Variants in VAV2 observed in about 807,000 individuals in gnomAD.
VAV2 encodes vav guanine nucleotide exchange factor 2, also known as guanine nucleotide exchange factor VAV2.
In VAV2, 67 loss-of-function variants were observed where a neutral mutation model predicts 132.5. The observed-to-expected ratio is 0.51, with a 90% CI of 0.42 to 0.62. VAV2 has a LOEUF of 0.62. VAV2 is among the 20% of genes least tolerant of loss of function. VAV2 has a pLI of 0.00. For missense variants in VAV2, 938 were observed against 1,153.6 expected (o/e 0.81, Z 2.71); for synonymous variants, 492 against 443.5 (o/e 1.11, Z -1.37).
At chr9:133,811,374 A>T (rs1271200900) in intron 5 of VAV2, among the ~76,000 whole-genome samples, 1 of 152,210 alleles carries the variant, frequency 6.6e-6, no homozygotes, top group Non-Finnish European at 1.5e-5. Flanking sequence ...AAAACACTGA[A>T]ATCAGCTTTC....
intron 2 of VAV2, among the ~76,000 whole-genome samples, chr9:133,910,285 G>A (rs973554101): frequency 6.6e-6 from 1 of 152,160 alleles, no homozygotes; most frequent in Non-Finnish European, 1.5e-5. Context: ...AACCCTCCAA[G>A]ACGAACAAAC....
In VAV2 at chr9:133,935,804, C is replaced by T. The variant is rs975957805; in HGVS notation, c.321+3299G>A. Among the ~76,000 whole-genome samples, 107 of 152,314 alleles carry T rather than the reference C, an allele frequency of 7.0e-4. No homozygotes were observed. The highest frequency in any genetic ancestry group is 2.5e-3 in the African/African-American group (102 of 41,578). On this transcript the variant is annotated intron_variant, in intron 2 of 29. Coordinates refer to ENST00000371850, the MANE Select transcript of VAV2 (RefSeq NM_001134398.2). This position sits in a 1 kb window ranked among gnomAD's most constrained non-coding sequence, Gnocchi z 5.2. ...GCCACAGAGACAGGGCTGGCGGGGC[C>T]GAGGCCAGGCCCACGCTGAAGGGCA...
At chr9:133,777,840 C>T (rs1345682991) in intron 22 of VAV2, among the ~76,000 whole-genome samples, 2 of 152,236 alleles carry the variant, frequency 1.3e-5, no homozygotes, top group Non-Finnish European at 2.9e-5. Flanking sequence ...AAATCCATCA[C>T]CGAGTATGGA....
In VAV2 at chr9:133,785,797, A is replaced by T. The variant is rs774008253; in HGVS notation, c.1511T>A (p.Met504Lys). The change falls in exon 17 of 30, where the codon ATG (methionine) becomes AAG (lysine). Residue 504 changes from methionine (M) to lysine (K), a missense_variant. Coordinates refer to ENST00000371850, the MANE Select transcript of VAV2 (RefSeq NM_001134398.2). Reference protein sequence around the residue: ...CKTEDMKRKWMEQFEMAMSNI... With the variant: ...CKTEDMKRKWKEQFEMAMSNI... ...TCACATGGCCATCTCAAACTGCTCC[A>T]TCCACTTCCTCTTCATATCTTCTGT... 9 of 1,613,830 alleles carry T rather than the reference A, an allele frequency of 5.6e-6. No individual in the cohort carries two copies. Among genetic ancestry groups the T allele is most frequent in the Middle Eastern group, 1.7e-4 (1 of 6,014 alleles).
chr9:133,766,604 C>G (rs1833439831), intron 29 of VAV2, among the ~76,000 whole-genome samples: 1 of 151,480 alleles, frequency 6.6e-6, no homozygotes, highest in Non-Finnish European at 1.5e-5. Flanking sequence ...AGGGGAACAT[C>G]ACACTGGAGG....
intron 2 of VAV2, among the ~76,000 whole-genome samples, chr9:133,876,546 G>C (rs1838272827): frequency 6.6e-6 from 1 of 152,258 alleles, no homozygotes; most frequent in Admixed American, 6.5e-5. Context: ...CCAAAGAGCG[G>C]AGGCCTGTCG....
At chr9:133,771,575 C>T (rs1347544324) in intron 26 of VAV2, among the ~76,000 whole-genome samples, 1 of 152,192 alleles carries the variant, frequency 6.6e-6, no homozygotes, top group Non-Finnish European at 1.5e-5. Context: ...GGAGAAGAAG[C>T]TGTTTGAAGC....
At chr9:133,812,073 G>T in intron 5 of VAV2, 41 bp downstream of exon 5, 1 of 1,586,568 alleles carries the variant, frequency 6.3e-7, no homozygotes, top group Non-Finnish European at 8.7e-7. Flanking sequence ...GCTCTGCGAG[G>T]GAAGGGAGGG....
At chr9:133,938,211 C>G (rs1468911524) in intron 2 of VAV2, among the ~76,000 whole-genome samples, 1 of 152,164 alleles carries the variant, frequency 6.6e-6, no homozygotes, top group Non-Finnish European at 1.5e-5. Flanking sequence ...ATCCATTCTC[C>G]CGGTGGTCCA....
At chr9:133,950,739 T>C (rs890352291) in intron 1 of VAV2, among the ~76,000 whole-genome samples, 2 of 152,172 alleles carry the variant, frequency 1.3e-5, no homozygotes, top group Admixed American at 6.5e-5. Context: ...GTTGCTCTCA[T>C]AGGACCTCAG....
intron 2 of VAV2, among the ~76,000 whole-genome samples, chr9:133,874,682 G>GC (rs1157724415): frequency 6.6e-6 from 1 of 152,086 alleles, no homozygotes; most frequent in African/African-American, 2.4e-5. Flanking sequence ...CAGATGTCTT[G>GC]CCCCCTCCAA....
intron 1 of VAV2, among the ~76,000 whole-genome samples, chr9:133,970,251 G>A (rs921354869): frequency 5.9e-5 from 9 of 152,210 alleles, no homozygotes; most frequent in African/African-American, 1.4e-4. Context: ...GCCTGGGGAA[G>A]GGCCCCACCC....
chr9:133,808,924 C>T (rs1344273203), intron 7 of VAV2, 116 bp downstream of exon 7: 3 of 936,098 alleles, frequency 3.2e-6, no homozygotes, highest in Non-Finnish European at 4.7e-6. Flanking sequence ...AAGTCTCCTT[C>T]GCCTGTCAGA....
At chr9:133,807,983 C>A (rs1012660882) in intron 7 of VAV2, among the ~76,000 whole-genome samples, 7 of 152,250 alleles carry the variant, frequency 4.6e-5, no homozygotes, top group African/African-American at 1.7e-4. Flanking sequence ...CTGGGCCCAG[C>A]TGCTGCACCG....
intron 2 of VAV2, among the ~76,000 whole-genome samples, chr9:133,880,623 C>G (rs926796797): frequency 5.9e-5 from 9 of 152,142 alleles, no homozygotes; most frequent in African/African-American, 1.9e-4. Flanking sequence ...GGTCTTGGGA[C>G]AGAGGACATA....
At chr9:133,893,111 TG>T (rs1300501258) in intron 2 of VAV2, among the ~76,000 whole-genome samples, 1 of 152,180 alleles carries the variant, frequency 6.6e-6, no homozygotes, top group Non-Finnish European at 1.5e-5. Flanking sequence ...TCTATGGCTC[TG>T]AGTCCGATCT....
rs149656495 is a variant in VAV2, at chr9:133,973,103, G to A, written c.204+18972C>T. Among the ~76,000 whole-genome samples, 123 of 152,050 alleles carry A rather than the reference G, an allele frequency of 8.1e-4. 4 individuals carry two copies. In the East Asian group the frequency reaches 0.021, roughly 26 times the overall value. On this transcript the variant is annotated intron_variant, in intron 1 of 29. Coordinates refer to ENST00000371850, the MANE Select transcript of VAV2 (RefSeq NM_001134398.2). The stretch of plus-strand genomic sequence containing the variant: ...AGCCCTGCCTTGGTACCAAGGCAGC[G>A]GGCAGTGAAGACCCAGTGCCACGGA...
At chr9:133,903,262 C>T (rs993349901) in intron 2 of VAV2, among the ~76,000 whole-genome samples, 3 of 152,142 alleles carry the variant, frequency 2.0e-5, no homozygotes, top group Non-Finnish European at 4.4e-5. Context: ...AGCCTCATTT[C>T]GGTTCCAGTA....
intron 2 of VAV2, among the ~76,000 whole-genome samples, chr9:133,896,252 C>T (rs996928292): frequency 6.6e-6 from 1 of 152,120 alleles, no homozygotes; most frequent in Non-Finnish European, 1.5e-5. Flanking sequence ...GTCAGGAGTT[C>T]ACGCCAGCCT....
Sources: allele counts gnomAD v4.1 joint callset (sites outside exome capture counted in the v4.1 genomes callset), GRCh38; gene constraint gnomAD v4.1.1; non-coding constraint Gnocchi (gnomAD v3.1); transcripts MANE v1.5; gene names NCBI Gene and HGNC (gene_info 2026-07-23, HGNC 2026-07-21).